Variants in SEPTIN10 observed in about 807,000 individuals in gnomAD.
The protein encoded by SEPTIN10 is septin 10.
In SEPTIN10, 66 loss-of-function variants were observed where a neutral mutation model predicts 54.8. The ratio of observed to expected loss-of-function variants is 1.21; its 90% CI spans 0.99 to 1.48. The LOEUF (loss-of-function observed/expected upper bound fraction) is 1.48, where lower values mean the gene tolerates loss of function less well. Among genes scored for constraint, SEPTIN10 ranks in the 40% most tolerant of loss-of-function variants. The probability of loss-of-function intolerance (pLI) is 0.00; values close to 1 mark genes in which losing one functional copy is unlikely to be tolerated. For synonymous variants in SEPTIN10, 161 were observed against 181.0 expected (o/e 0.89, Z 0.89); for missense variants, 620 against 545.6 (o/e 1.14, Z -1.36).
At chr2:109,598,529 G>A (rs1695826192) in intron 1 of SEPTIN10, among the ~76,000 whole-genome samples, 1 of 152,096 alleles carries the variant, frequency 6.6e-6, no homozygotes, top group African/African-American at 2.4e-5. Flanking sequence ...AGAACAAAAA[G>A]CAAAAAGTGG....
In SEPTIN10 at chr2:109,558,293, C is replaced by T. The variant is rs1041414460; in HGVS notation, c.1029-5074G>A. 4.6e-4 allele frequency among the ~76,000 whole-genome samples: 70 copies of T among 152,292 alleles called. 1 individual carries two copies. The highest frequency in any genetic ancestry group is 1.5e-3 in the African/African-American group (64 of 41,562). Reference sequence around the variant, plus strand: ...CTTTTTCCAAGTCTACTATAGACTACCTGAAGAACTATTTAGTTCTTGAGA... The same window carrying T: ...CTTTTTCCAAGTCTACTATAGACTATCTGAAGAACTATTTAGTTCTTGAGA... On this transcript the variant is annotated intron_variant, in intron 8 of 10. Coordinates refer to ENST00000397712, the MANE Select transcript of SEPTIN10 (RefSeq NM_144710.5).
At chr2:109,592,797 G>GA (rs760746263) in intron 2 of SEPTIN10, among the ~76,000 whole-genome samples, 84 of 150,096 alleles carry the variant, frequency 5.6e-4, no homozygotes, top group Admixed American at 2.7e-3. Context: ...AAAAGGAAAC[G>GA]AAAAAAGAAA....
At chr2:109,572,906 T>C (rs1232867433) in intron 5 of SEPTIN10, among the ~76,000 whole-genome samples, 4 of 152,182 alleles carry the variant, frequency 2.6e-5, no homozygotes, top group Non-Finnish European at 4.4e-5. Flanking sequence ...TGAGCAACCA[T>C]GTCCAGCCCA....
At chr2:109,566,803 A>T (rs1687135847) in intron 6 of SEPTIN10, among the ~76,000 whole-genome samples, 1 of 152,198 alleles carries the variant, frequency 6.6e-6, no homozygotes, top group Non-Finnish European at 1.5e-5. Context: ...GTTCAGGGGC[A>T]GGGAGTAGAC....
At chr2:109,592,821 T>G (rs1694384126) in intron 2 of SEPTIN10, among the ~76,000 whole-genome samples, 1 of 151,980 alleles carries the variant, frequency 6.6e-6, no homozygotes, top group African/African-American at 2.4e-5. Context: ...AAAAAAAAAT[T>G]TCCTTAATGT....
chr2:109,550,012 G>A (rs1050517125), intron 9 of SEPTIN10, among the ~76,000 whole-genome samples: 14 of 151,996 alleles, frequency 9.2e-5, no homozygotes, highest in African/African-American at 2.7e-4. Flanking sequence ...ACACATTCTC[G>A]TACTCAAAGA....
intron 8 of SEPTIN10, among the ~76,000 whole-genome samples, chr2:109,559,715 T>C (rs1446497923): frequency 1.3e-5 from 2 of 152,152 alleles, no homozygotes; most frequent in East Asian, 3.8e-4. Flanking sequence ...AAACAAGAGA[T>C]GGGAACATGA....
Position 109,546,030 on chromosome 2 carries a change from A to T in SEPTIN10, c.1349+20T>A. On this transcript the variant is annotated intron_variant, in intron 10 of 10. Coordinates refer to ENST00000397712, the MANE Select transcript of SEPTIN10 (RefSeq NM_144710.5). Reference sequence around the variant, plus strand: ...ACAAGTGTGGGCAGGGCTGCCAGGGAGGGTGGCTGGGCCTCTTACTTCTTA... The same window carrying T: ...ACAAGTGTGGGCAGGGCTGCCAGGGTGGGTGGCTGGGCCTCTTACTTCTTA... The T allele has an allele frequency of 6.5e-7, 1 of 1,548,732 alleles. No homozygotes were observed. Among genetic ancestry groups the T allele is most frequent in the African/African-American group, 1.4e-5 (1 of 71,570 alleles).
intron 1 of SEPTIN10, among the ~76,000 whole-genome samples, chr2:109,604,398 G>GAGGGGAGGGGAGGGGCGGGC (rs1697437558): frequency 8.4e-6 from 1 of 119,228 alleles, no homozygotes; most frequent in Non-Finnish European, 1.8e-5. Flanking sequence ...GAGGGGCGGG[G>GAGGGGAGGGGAGGGGCGGGC]CGGGGAGAAA....
In SEPTIN10 at chr2:109,573,785, G is replaced by T. The variant is rs138039806; in HGVS notation, c.600+796C>A. ...TTAAACAAATATAAAAATCTGAAGT[G>T]AGTTAGTTTATGAATTTTTCTATAG... On this transcript the variant is annotated intron_variant, in intron 5 of 10. Transcript: ENST00000397712. Among the ~76,000 whole-genome samples, 369 of 152,306 alleles carry T rather than the reference G, an allele frequency of 2.4e-3. 2 individuals carry two copies. The highest frequency in any genetic ancestry group is 4.2e-3 in the Non-Finnish European group (283 of 68,028).
rs28704747 is a variant in SEPTIN10 at position 109,550,828 on chromosome 2, G to A, written c.1161+2259C>T. ...TCGTACCCTGTATTATAAGGCTCCT[G>A]TTCTCCTCATGTTCATGGTTGTAAC... On this transcript the variant is annotated intron_variant, in intron 9 of 10. Transcript: ENST00000397712. Among the ~76,000 whole-genome samples, 855 of 152,164 alleles carry A rather than the reference G, an allele frequency of 5.6e-3. 4 individuals are homozygous for A. Among genetic ancestry groups the A allele is most frequent in the Non-Finnish European group, 9.7e-3 (660 of 68,014 alleles).
intron 4 of SEPTIN10, among the ~76,000 whole-genome samples, chr2:109,580,972 G>A (rs1226183933): frequency 6.6e-6 from 1 of 152,174 alleles, no homozygotes; most frequent in African/African-American, 2.4e-5. Flanking sequence ...AAGCTGCACA[G>A]GCAGGAAGCA....
At chr2:109,592,185 C>T (rs2105932863) in intron 2 of SEPTIN10, among the ~76,000 whole-genome samples, 1 of 152,142 alleles carries the variant, frequency 6.6e-6, no homozygotes, top group Admixed American at 6.5e-5. Flanking sequence ...CAAATAACGG[C>T]CGGGCGTGGT....
At chr2:109,611,008 C>T (rs1443716219) in intron 1 of SEPTIN10, among the ~76,000 whole-genome samples, 1 of 152,104 alleles carries the variant, frequency 6.6e-6, no homozygotes, top group African/African-American at 2.4e-5. Context: ...AACGGAGAAC[C>T]CAGAAACAGA....
At chr2:109,579,062 G>C (rs1013723403) in intron 4 of SEPTIN10, among the ~76,000 whole-genome samples, 2 of 152,094 alleles carry the variant, frequency 1.3e-5, no homozygotes, top group Non-Finnish European at 2.9e-5. Context: ...AAAAAGAAAA[G>C]CAGCACAAAC....
intron 1 of SEPTIN10, chr2:109,613,556 C>T (rs1317469825): frequency 4.0e-6 from 1 of 248,002 alleles, no homozygotes; most frequent in Non-Finnish European, 7.6e-6. Context: ...ACTCTCCCAC[C>T]GTCCCGACGC....
intron 5 of SEPTIN10, among the ~76,000 whole-genome samples, chr2:109,571,838 C>T (rs891663949): frequency 2.0e-5 from 3 of 152,138 alleles, no homozygotes; most frequent in African/African-American, 7.2e-5. Context: ...ATTAGCTCTT[C>T]CATTTATTCC....
Position 109,565,797 on chromosome 2 carries a change from GA to G in SEPTIN10, c.824del (p.Val275AlafsTer22). 1 of 1,613,984 alleles carries G rather than the reference GA, an allele frequency of 6.2e-7. No individual in the cohort carries two copies. ...CACCCCAAGGGTACTGGCGAGCTTTGACCATCTTGTTTCCGACTTTTACCTC... is the reference window on the plus strand; with the variant it reads ...CACCCCAAGGGTACTGGCGAGCTTTGCCATCTTGTTTCCGACTTTTACCTC... ...MDEVKVGNKM[V>X]KARQYPWGVV... On this transcript the variant is annotated frameshift_variant, in exon 7 of 11. Transcript: ENST00000397712. LOFTEE classifies it high-confidence loss of function.
chr2:109,592,368 G>A (rs989920402), intron 2 of SEPTIN10, among the ~76,000 whole-genome samples: 1 of 152,116 alleles, frequency 6.6e-6, no homozygotes, highest in Non-Finnish European at 1.5e-5. Context: ...GGAAGGCTGA[G>A]GCATGAGAAT....
Sources: gnomAD v4.1 joint callset for allele counts (sites outside exome capture counted in the v4.1 genomes callset) on GRCh38, gnomAD v4.1.1 for gene constraint, MANE v1.5 for transcripts, NCBI Gene and HGNC (gene_info 2026-07-23, HGNC 2026-07-21) for gene names.